The following KLF5 variants were observed in gnomAD, a reference collection of about 807,000 sequenced individuals.
KLF5 encodes the protein KLF transcription factor 5, also known as Krueppel-like factor 5.
In KLF5, 9 loss-of-function variants were observed where a neutral mutation model predicts 36.9. That is an observed-to-expected ratio of 0.24 (90% CI 0.15 to 0.43). KLF5 has a LOEUF of 0.43. KLF5 is among the 20% of genes least tolerant of loss of function. The pLI is 1.00. For synonymous variants in KLF5, 246 were observed against 241.7 expected, an observed-to-expected ratio of 1.02 and a Z score of -0.17; for missense variants, 524 against 599.5, an observed-to-expected ratio of 0.87 and a Z score of 1.31.
intron 3 of KLF5, among the ~76,000 whole-genome samples, chr13:73,070,550 T>C (rs1222502385): frequency 6.6e-6 from 1 of 152,200 alleles, no homozygotes; most frequent in East Asian, 1.9e-4. Flanking sequence ...AGCAGTAGTT[T>C]AGGAGCCCAG....
chr13:73,063,536 A>C (rs1265051356), intron 2 of KLF5, among the ~76,000 whole-genome samples: 1 of 152,248 alleles, frequency 6.6e-6, no homozygotes, highest in African/African-American at 2.4e-5. Flanking sequence ...AGCAGCTCTT[A>C]ATACGGAAGT....
chr13:73,063,974 T>G (rs2044659829), intron 3 of KLF5, 91 bp downstream of exon 3: 2 of 586,638 alleles, frequency 3.4e-6, no homozygotes, highest in Non-Finnish European at 5.8e-6. Flanking sequence ...TGATCTCTTC[T>G]CCTGTCAACT....
At chr13:73,056,077 C>G (rs2044581533), upstream of KLF5, among the ~76,000 whole-genome samples, 1 of 151,926 alleles carries the variant, frequency 6.6e-6, no homozygotes, top group Admixed American at 6.6e-5. Flanking sequence ...TTTCCACTGC[C>G]TCCTTCAAAC....
chr13:73,060,896 TC>T (rs1483924343), intron 1 of KLF5, among the ~76,000 whole-genome samples: 2 of 152,216 alleles, frequency 1.3e-5, no homozygotes, highest in African/African-American at 4.8e-5. Context: ...AGAAAAGAGA[TC>T]ACCGTTTGAA....
chr13:73,056,122 C>T (rs1362868960), upstream of KLF5, among the ~76,000 whole-genome samples: 2 of 151,992 alleles, frequency 1.3e-5, no homozygotes, highest in East Asian at 1.9e-4. Flanking sequence ...GTTCAGCCCC[C>T]GCATATTCAT....
At chr13:73,061,738 C>A in intron 1 of KLF5, 123 bp from the exon 2 acceptor site, 1 of 803,064 alleles carries the variant, frequency 1.2e-6, no homozygotes, top group Non-Finnish European at 2.0e-6. Flanking sequence ...ATAAGCAACA[C>A]TGAGGAGTTT....
intron 3 of KLF5, among the ~76,000 whole-genome samples, chr13:73,065,719 T>C (rs2139109143): frequency 6.6e-6 from 1 of 152,260 alleles, no homozygotes; most frequent in East Asian, 1.9e-4. Context: ...TGAACTATTG[T>C]TTTTTTCACT....
intron 3 of KLF5, among the ~76,000 whole-genome samples, chr13:73,068,911 C>T (rs534034739): frequency 6.4e-4 from 97 of 152,088 alleles, no homozygotes; most frequent in African/African-American, 2.3e-3. Context: ...GCCTGGCCAA[C>T]ATAGTGAAAC....
intron 3 of KLF5, among the ~76,000 whole-genome samples, 190 bp from the exon 4 acceptor site, chr13:73,075,518 T>C (rs1461259780): frequency 6.6e-6 from 1 of 152,084 alleles, no homozygotes; most frequent in Non-Finnish European, 1.5e-5. Flanking sequence ...TACTTGGAGG[T>C]TATAAGAAAT....
Position 73,059,209 on chromosome 13 carries a change from C to T in KLF5, c.-119C>T, listed in dbSNP as rs897464776. On this transcript the variant is annotated 5_prime_UTR_variant, in exon 1 of 4. Coordinates refer to ENST00000377687, the MANE Select transcript of KLF5 (RefSeq NM_001730.5). ...AACTGCCTGCCGCTGTCTGAGGAGTCCACCCGAAACCTCCCCTCCTCCGCC... is the reference window on the plus strand; with the variant it reads ...AACTGCCTGCCGCTGTCTGAGGAGTTCACCCGAAACCTCCCCTCCTCCGCC... 11 of 979,114 alleles carry T rather than the reference C, an allele frequency of 1.1e-5. No individual in the cohort carries two copies. Among genetic ancestry groups the T allele is most frequent in the African/African-American group, 1.7e-5 (1 of 58,702 alleles). 60.7% of individuals were successfully genotyped at this position (979,114 alleles called of 1,614,324 possible).
rs1402252543 is a variant in KLF5 at position 73,062,237 on chromosome 13, C to G, written c.638C>G (p.Pro213Arg). The part of the protein sequence containing the change: ...VNNIFIKQEL[P>R]TPDLHLSVPT... Reference sequence around the variant, plus strand: ...AATATTTTCATCAAACAAGAACTTCCTACACCAGATCTTCATCTTTCTGTC... The same window carrying G: ...AATATTTTCATCAAACAAGAACTTCGTACACCAGATCTTCATCTTTCTGTC... Residue 213 changes from proline to arginine, a missense_variant, in exon 2 of 4, where the codon CCT becomes CGT. Around this residue, in one of 4 missense-constraint regions of KLF5, gnomAD observed 454 missense variants for 458.1 expected, o/e 0.99. Transcript: ENST00000377687. 16 of 1,613,982 alleles carry G rather than the reference C, an allele frequency of 9.9e-6. No homozygotes were observed. The highest frequency in any genetic ancestry group is 1.3e-5 in the Non-Finnish European group (15 of 1,180,000).
intron 3 of KLF5, among the ~76,000 whole-genome samples, chr13:73,070,037 T>C (rs1471345797): frequency 6.6e-6 from 1 of 152,230 alleles, no homozygotes; most frequent in Non-Finnish European, 1.5e-5. Flanking sequence ...AATAATGTCC[T>C]ACTTTAGTAA....
chr13:73,074,018 A>G (rs917059909), intron 3 of KLF5, among the ~76,000 whole-genome samples: 4 of 152,204 alleles, frequency 2.6e-5, no homozygotes, highest in South Asian at 2.1e-4. Context: ...GGGAATTAAA[A>G]CAAAAACTGT....
In KLF5 at chr13:73,061,896, G is replaced by C. The variant is rs1416989777; in HGVS notation, c.297G>C (p.Gln99His). Residue 99 changes from glutamine to histidine, a missense_variant, in exon 2 of 4, where the codon CAG becomes CAC. This residue lies in a region of KLF5 where 454 missense variants were observed against 458.1 expected (regional missense o/e 0.99). Coordinates refer to ENST00000377687, the MANE Select transcript of KLF5 (RefSeq NM_001730.5). ...AAATGGAGAAGTATCTGACACCTCA[G>C]CTTCCTCCAGTTCCTATAATTCCAG... ...RCEMEKYLTP[Q>H]LPPVPIIPEH... is the part of the protein sequence containing the mutation. 1 of 1,613,628 alleles carries C rather than the reference G, an allele frequency of 6.2e-7. No homozygotes were observed. The highest frequency in any genetic ancestry group is 1.3e-5 in the African/African-American group (1 of 74,892).
chr13:73,072,524 A>G (rs1395278921), intron 3 of KLF5, among the ~76,000 whole-genome samples: 1 of 152,234 alleles, frequency 6.6e-6, no homozygotes, highest in African/African-American at 2.4e-5. Flanking sequence ...AATGAATTTG[A>G]ACAATATGTA....
intron 3 of KLF5, among the ~76,000 whole-genome samples, chr13:73,073,838 TATATCAGAC>T (rs1328110018): frequency 6.6e-6 from 1 of 152,218 alleles, no homozygotes; most frequent in African/African-American, 2.4e-5. Context: ...AATATTTCTA[TATATCAGAC>T]ATTTTATGTG....
Position 73,059,281 on chromosome 13 carries a change from T to C in KLF5, c.-47T>C, listed in dbSNP as rs2044610084. 3.4e-5 allele frequency: 45 copies of C among 1,312,748 alleles called. No individual in the cohort carries two copies. Among genetic ancestry groups the C allele is most frequent in the Non-Finnish European group, 4.2e-5 (43 of 1,031,272 alleles). 81.3% of individuals were successfully genotyped at this position (1,312,748 alleles called of 1,614,324 possible). A position where few individuals can be genotyped will look rare whatever the true frequency, so the allele number is the denominator to read the frequency against. ...CCGACCCAAGCCAGCGTGGGCGAGG[T>C]GGGAAGTGCGCCCGACCCGCGCCTG... On this transcript the variant is annotated 5_prime_UTR_variant, in exon 1 of 4. Transcript: ENST00000377687.
chr13:73,072,887 C>A (rs988717519), intron 3 of KLF5, among the ~76,000 whole-genome samples: 1 of 152,174 alleles, frequency 6.6e-6, no homozygotes, highest in African/African-American at 2.4e-5. Flanking sequence ...AATTTAAAAA[C>A]AGAATGAGAA....
intron 1 of KLF5, 68 bp from the exon 2 acceptor site, chr13:73,061,793 C>T: frequency 6.8e-7 from 1 of 1,479,786 alleles, no homozygotes; most frequent in South Asian, 1.2e-5. Context: ...TTAGTAGGCG[C>T]CGATTGTTCG....
Sources: allele counts gnomAD v4.1 joint callset (sites outside exome capture counted in the v4.1 genomes callset), GRCh38; gene constraint gnomAD v4.1.1; regional missense constraint gnomAD v4.1.1; transcripts MANE v1.5; gene names NCBI Gene and HGNC (gene_info 2026-07-23, HGNC 2026-07-21).